The following VPS13B variants were observed in gnomAD, a reference collection of about 807,000 sequenced individuals.
The protein encoded by VPS13B is vacuolar protein sorting 13 homolog B.
Under a neutral mutation model 426.4 loss-of-function variants are expected in VPS13B, and 285 were observed. That is an observed-to-expected ratio of 0.67 (90% confidence interval 0.61 to 0.74). The LOEUF is 0.74. Among genes scored for constraint, VPS13B ranks in the 30% least tolerant of loss-of-function variants. The pLI is 0.00. For synonymous variants in VPS13B, 1,676 were observed against 1,676.4 expected (o/e 1.00, Z 0.01); for missense variants, 4,537 against 4,782.6 (o/e 0.95, Z 1.51).
At chr8:99,359,167 G>C (rs1812356884) in intron 19 of VPS13B, among the ~76,000 whole-genome samples, 1 of 152,060 alleles carries the variant, frequency 6.6e-6, no homozygotes, top group East Asian at 1.9e-4. Context: ...AAAAAATGTA[G>C]TCCTTGCCAG....
At chr8:99,257,827 T>A (rs965364882) in intron 17 of VPS13B, among the ~76,000 whole-genome samples, 2 of 151,662 alleles carry the variant, frequency 1.3e-5, no homozygotes, top group Non-Finnish European at 2.9e-5. Flanking sequence ...CCAAGAGTGA[T>A]GGGTTTCTCT....
intron 3 of VPS13B, among the ~76,000 whole-genome samples, chr8:99,083,716 A>G (rs1845611647): frequency 7.8e-6 from 1 of 128,594 alleles, no homozygotes. Flanking sequence ...TGAGATAATC[A>G]TATGGTTTTT....
chr8:99,491,465 T>C (rs1271686055), intron 25 of VPS13B, among the ~76,000 whole-genome samples: 1 of 152,230 alleles, frequency 6.6e-6, no homozygotes, highest in Admixed American at 6.5e-5. Context: ...TTTTCTAACT[T>C]GATTCCATTT....
At chr8:99,040,238 T>C (rs1296119947) in intron 3 of VPS13B, among the ~76,000 whole-genome samples, 1 of 152,200 alleles carries the variant, frequency 6.6e-6, no homozygotes, top group Non-Finnish European at 1.5e-5. Context: ...ACACATGACT[T>C]AGTGCAACCT....
intron 36 of VPS13B, among the ~76,000 whole-genome samples, chr8:99,707,169 G>C (rs1446775376): frequency 5.9e-5 from 9 of 152,118 alleles, no homozygotes; most frequent in Non-Finnish European, 1.5e-5. Context: ...AATAGCAGTA[G>C]TTTGTATAAA....
At chr8:99,401,593 CA>C (rs1815041656) in intron 21 of VPS13B, among the ~76,000 whole-genome samples, 1 of 152,202 alleles carries the variant, frequency 6.6e-6, no homozygotes, top group South Asian at 2.1e-4. Flanking sequence ...TGGCTGGGCA[CA>C]GTGGCTCACA....
At chr8:99,263,227 T>C (rs1370979399) in intron 17 of VPS13B, among the ~76,000 whole-genome samples, 2 of 152,192 alleles carry the variant, frequency 1.3e-5, no homozygotes, top group Non-Finnish European at 2.9e-5. Flanking sequence ...TAGTAGTCTT[T>C]GTTGCAGTTT....
At chr8:99,640,088 AAAGAAAAGAAAAG>A (rs1829290270) in intron 33 of VPS13B, among the ~76,000 whole-genome samples, 3 of 150,370 alleles carry the variant, frequency 2.0e-5, no homozygotes, top group Admixed American at 2.0e-4. Context: ...AAAGAAAAGA[AAAGAAAAGAAAAG>A]AAAAGAAAAG....
intron 39 of VPS13B, among the ~76,000 whole-genome samples, chr8:99,734,471 G>A (rs1833737125): frequency 6.6e-6 from 1 of 152,130 alleles, no homozygotes; most frequent in African/African-American, 2.4e-5. Context: ...TAATTACCCA[G>A]CAAAATACAG....
intron 31 of VPS13B, among the ~76,000 whole-genome samples, chr8:99,564,859 C>G (rs1476683801): frequency 6.6e-6 from 1 of 152,210 alleles, no homozygotes; most frequent in Non-Finnish European, 1.5e-5. Context: ...AACTACTTTT[C>G]TTCTGCTCAA....
In VPS13B at chr8:99,445,116, A is replaced by G. The variant is rs1007555647; in HGVS notation, c.3445+2481A>G. Among the ~76,000 whole-genome samples, 10 of 151,888 alleles carry G rather than the reference A, an allele frequency of 6.6e-5. No homozygotes were observed. The East Asian group carries it at 7.7e-4, about 12-fold the overall frequency. On this transcript the variant is annotated intron_variant, in intron 23 of 61. Transcript: ENST00000357162. ...TATTCTAGATACGATACCCTTACACATGATTTGCAAGTATTTTCTCCTGTT... is the reference window on the plus strand; with the variant it reads ...TATTCTAGATACGATACCCTTACACGTGATTTGCAAGTATTTTCTCCTGTT...
intron 21 of VPS13B, among the ~76,000 whole-genome samples, chr8:99,430,256 G>A (rs930984535): frequency 6.6e-6 from 1 of 152,098 alleles, no homozygotes; most frequent in Non-Finnish European, 1.5e-5. Flanking sequence ...CAAGTTAGGG[G>A]GAGAGGGGAA....
intron 37 of VPS13B, among the ~76,000 whole-genome samples, chr8:99,719,297 A>G (rs1833042737): frequency 6.6e-6 from 1 of 152,242 alleles, no homozygotes; most frequent in Non-Finnish European, 1.5e-5. Context: ...TCTGTATTAC[A>G]GTCATTGTCT....
intron 17 of VPS13B, among the ~76,000 whole-genome samples, chr8:99,250,937 C>CA (rs1817475065): frequency 6.6e-6 from 1 of 151,710 alleles, no homozygotes; most frequent in Admixed American, 6.6e-5. Flanking sequence ...AATGGTATTA[C>CA]ATTTTCATTT....
At chr8:99,862,743 C>T (rs1463813021) in intron 58 of VPS13B, among the ~76,000 whole-genome samples, 4 of 152,192 alleles carry the variant, frequency 2.6e-5, no homozygotes, top group South Asian at 4.1e-4. Context: ...TGAAAGGACT[C>T]GCCCTCTCTC....
chr8:99,819,424 T>G lies in VPS13B; in HGVS notation c.8634T>G (p.Asp2878Glu), dbSNP rs1814236636. The change falls in exon 48 of 62, where the codon GAT (aspartate) becomes GAG (glutamate). Residue 2878 changes from aspartate (D) to glutamate (E), a missense_variant. Physicochemically the swap from Asp to Glu is conservative, Grantham distance 45. Around this residue, in one of 2 missense-constraint regions of VPS13B, gnomAD observed 4,311 missense variants for 4,474.3 expected, o/e 0.96. Transcript: ENST00000357162. Reference protein sequence around the residue: ...HLTFQAREEYDPSDCAVPIST... With the variant: ...HLTFQAREEYEPSDCAVPIST... ...TTCAATTTCCTAGAGAAGAATATGA[T>G]CCTTCAGATTGTGCAGTTCCCATCT... The G allele has an allele frequency of 1.2e-6, 2 of 1,613,740 alleles. No homozygotes were observed. Among genetic ancestry groups the G allele is most frequent in the African/African-American group, 1.3e-5 (1 of 74,916 alleles).
intron 21 of VPS13B, among the ~76,000 whole-genome samples, chr8:99,419,059 T>A (rs2133376696): frequency 6.6e-6 from 1 of 152,290 alleles, no homozygotes; most frequent in African/African-American, 2.4e-5. Flanking sequence ...CCAAATCTCA[T>A]GTGGAATTGT....
intron 35 of VPS13B, among the ~76,000 whole-genome samples, chr8:99,681,693 A>G (rs1831160628): frequency 6.6e-6 from 1 of 152,192 alleles, no homozygotes; most frequent in Non-Finnish European, 1.5e-5. Flanking sequence ...AAGTTAACAT[A>G]GCAACTGTTT....
chr8:99,576,700 A>G (rs554973962), intron 32 of VPS13B, among the ~76,000 whole-genome samples: 2 of 152,256 alleles, frequency 1.3e-5, no homozygotes, highest in Admixed American at 6.5e-5. Flanking sequence ...AAGAGGCAGG[A>G]CTTATTAAGT....
Sources: allele counts gnomAD v4.1 joint callset (sites outside exome capture counted in the v4.1 genomes callset), GRCh38; gene constraint gnomAD v4.1.1; regional missense constraint gnomAD v4.1.1; transcripts MANE v1.5; gene names NCBI Gene and HGNC (gene_info 2026-07-23, HGNC 2026-07-21).